RAD52: variants seen among roughly 807,000 people sequenced by gnomAD.
RAD52 encodes the protein DNA repair protein RAD52 homolog.
A neutral mutation model predicts 55.5 loss-of-function variants in RAD52; 47 were observed. That is an observed-to-expected ratio of 0.85 (90% CI 0.67 to 1.08). The LOEUF (loss-of-function observed/expected upper bound fraction) is 1.08, where lower values mean the gene tolerates loss of function less well. Ranked by LOEUF, RAD52 falls within the 50% of genes least tolerant of loss-of-function variation. The pLI is 0.00. For missense variants in RAD52, 468 were observed against 522.8 expected, an observed-to-expected ratio of 0.90 and a Z score of 1.02; for synonymous variants, 184 against 198.9, an observed-to-expected ratio of 0.92 and a Z score of 0.63.
At chr12:972,561 T>C (rs1225724487) in intron 1 of RAD52, among the ~76,000 whole-genome samples, 3 of 151,462 alleles carry the variant, frequency 2.0e-5, no homozygotes, top group African/African-American at 7.3e-5. Context: ...GGTCAGGAGA[T>C]CGAGACCATC....
chr12:938,408 T>A (rs1347044389), intron 1 of RAD52, among the ~76,000 whole-genome samples: 3 of 152,212 alleles, frequency 2.0e-5, no homozygotes, highest in Non-Finnish European at 4.4e-5. Flanking sequence ...TAAGGCTGGG[T>A]GTGGTGGCCC....
intron 5 of RAD52, among the ~76,000 whole-genome samples, chr12:927,556 T>A (rs1957105826): frequency 6.6e-6 from 1 of 152,014 alleles, no homozygotes; most frequent in South Asian, 2.1e-4. Context: ...TGCATCACCC[T>A]AAGGTAAAAA....
intron 1 of RAD52, among the ~76,000 whole-genome samples, chr12:947,182 C>A (rs561685397): frequency 6.6e-6 from 1 of 151,632 alleles, no homozygotes; most frequent in South Asian, 2.1e-4. Context: ...CAAAATTAGC[C>A]GGGTGTGGTG....
At chr12:987,083 G>C (rs542936780) in intron 1 of RAD52, among the ~76,000 whole-genome samples, 1 of 151,924 alleles carries the variant, frequency 6.6e-6, no homozygotes, top group South Asian at 2.1e-4. Context: ...CAATTCTCCT[G>C]CCTCGGCCTC....
rs753808353 is a variant in RAD52, at chr12:930,095, A to C, written c.236T>G (p.Phe79Cys). The C allele has an allele frequency of 1.1e-5, 17 of 1,613,914 alleles. No homozygotes were observed. Among genetic ancestry groups the C allele is most frequent in the Non-Finnish European group, 3.4e-6 (4 of 1,179,968 alleles). ...GGAGTGTGCCCAGCCATTGTAACCA[A>C]ACATCTCATTGGCCAGATTAATTAC... ...HRVINLANEM[F>C]GYNGWAHSIT... The change falls in exon 4 of 12, where the codon TTT becomes TGT. Residue 79 changes from phenylalanine (F) to cysteine (C), a missense_variant. Physicochemically the swap from Phe to Cys is radical, Grantham distance 205. Coordinates refer to ENST00000358495, the MANE Select transcript of RAD52 (RefSeq NM_134424.4).
intron 1 of RAD52, among the ~76,000 whole-genome samples, chr12:983,170 C>G (rs908818009): frequency 3.4e-4 from 52 of 152,068 alleles, no homozygotes; most frequent in Middle Eastern, 3.4e-3. Flanking sequence ...TTTTCCAGCA[C>G]GCACCTCAAA....
chr12:972,674 G>A (rs926371307), intron 1 of RAD52, among the ~76,000 whole-genome samples: 2 of 150,376 alleles, frequency 1.3e-5, no homozygotes, highest in African/African-American at 4.9e-5. Context: ...GCTGAGGCAG[G>A]AGAATGGCGT....
chr12:935,708 C>T (rs999348978), intron 1 of RAD52, among the ~76,000 whole-genome samples: 8 of 151,048 alleles, frequency 5.3e-5, no homozygotes, highest in Non-Finnish European at 7.4e-5. Flanking sequence ...ACAAAATTAG[C>T]CGGGTGTGGT....
intron 1 of RAD52, among the ~76,000 whole-genome samples, chr12:941,339 A>G (rs1334179874): frequency 6.6e-6 from 1 of 152,012 alleles, no homozygotes; most frequent in Non-Finnish European, 1.5e-5. Context: ...TTTTTTTGAG[A>G]CAGAGTTTCA....
intron 7 of RAD52, among the ~76,000 whole-genome samples, chr12:923,974 G>A (rs1324693802): frequency 6.6e-6 from 1 of 151,446 alleles, no homozygotes; most frequent in African/African-American, 2.4e-5. Flanking sequence ...CAGGAGAATG[G>A]CATGAACCCG....
chr12:973,536 G>A lies in RAD52; in HGVS notation c.-19+16273C>T, dbSNP rs994786269. 5.3e-5 allele frequency among the ~76,000 whole-genome samples: 8 copies of A among 151,606 alleles called. No homozygotes were observed. In the East Asian group the frequency reaches 5.8e-4, roughly 11 times the overall value. On this transcript the variant is annotated intron_variant, in intron 1 of 11. Transcript: ENST00000430095. ...TCTGTTGCGCAGGCTGGAGTGCAGT[G>A]GTGTGATCTTGGCTCACTGCAATCT...
At chr12:945,705 G>A (rs1457173126) in intron 1 of RAD52, among the ~76,000 whole-genome samples, 1 of 150,128 alleles carries the variant, frequency 6.7e-6, no homozygotes, top group Admixed American at 6.7e-5. Context: ...CAAAATGCTG[G>A]GATTACAGGC....
At chr12:963,304 T>C (rs1958712925) in intron 1 of RAD52, among the ~76,000 whole-genome samples, 2 of 152,192 alleles carry the variant, frequency 1.3e-5, no homozygotes, top group South Asian at 4.1e-4. Context: ...CATTCATCCT[T>C]CATTAAATAA....
In RAD52 at chr12:932,953, G is replaced by A. The variant is rs369332815; in HGVS notation, c.84+22C>T. On this transcript the variant is annotated intron_variant, in intron 2 of 11. Transcript: ENST00000358495. ...TACTCACTTCACCTCATTCTTTCCC[G>A]GCATGAAGGAACCACAGTTACCTGT... 69 of 1,612,174 alleles carry A rather than the reference G, an allele frequency of 4.3e-5. 1 individual carries two copies. Among genetic ancestry groups the A allele is most frequent in the East Asian group, 4.0e-4 (18 of 44,854 alleles).
At position 925,519 on chromosome 12, in the gene RAD52, A is replaced by G. The variant is rs2154112616; in HGVS notation, c.474T>C (p.Phe158=). The change falls in exon 7 of 12, where the codon TTT becomes TTC. Residue 158 remains phenylalanine, a synonymous_variant. Transcript: ENST00000358495. The part of the protein sequence containing the change: ...TDGLKRALRS[F]GNALGNCILD... Reference sequence around the variant, plus strand: ...GAATACAGTTTCCAAGTGCATTCCCAAAACTCCTAAGGGCAAGAGAAAAAA... The same window carrying G: ...GAATACAGTTTCCAAGTGCATTCCCGAAACTCCTAAGGGCAAGAGAAAAAA... 6.2e-7 allele frequency: 1 copy of G among 1,612,954 alleles called. No individual in the cohort carries two copies. Among genetic ancestry groups the G allele is most frequent in the Middle Eastern group, 1.7e-4 (1 of 6,058 alleles).
chr12:977,085 T>G (rs1466565772), intron 1 of RAD52: 1 of 152,298 alleles, frequency 6.6e-6, no homozygotes. Flanking sequence ...AGAAGTAGAT[T>G]TAAGGCAGAA....
intron 1 of RAD52, among the ~76,000 whole-genome samples, chr12:967,475 T>G (rs978497984): frequency 3.3e-5 from 5 of 151,886 alleles, no homozygotes; most frequent in Non-Finnish European, 5.9e-5. Context: ...GCTCACTAGG[T>G]GGCTAGTGGG....
intron 1 of RAD52, among the ~76,000 whole-genome samples, chr12:961,681 C>T (rs1389537504): frequency 6.6e-6 from 1 of 151,624 alleles, no homozygotes. Flanking sequence ...GCCCACATAG[C>T]GAAACTCTGT....
intron 5 of RAD52, 82 bp downstream of exon 5, chr12:929,737 C>T: frequency 7.4e-7 from 1 of 1,356,760 alleles, no homozygotes. Flanking sequence ...GGTCCCCGTC[C>T]AGCTACCTAC....
Sources: gnomAD v4.1 joint callset for allele counts (sites outside exome capture counted in the v4.1 genomes callset) on GRCh38, gnomAD v4.1.1 for gene constraint, MANE v1.5 for transcripts, NCBI Gene and HGNC (gene_info 2026-07-23, HGNC 2026-07-21) for gene names.